The following ARHGAP26 variants were observed in gnomAD, a reference collection of about 807,000 sequenced individuals.
The protein encoded by ARHGAP26 is Rho GTPase activating protein 26, also known as rho GTPase-activating protein 26.
A neutral mutation model predicts 104.8 loss-of-function variants in ARHGAP26; 38 were observed. The observed-to-expected ratio is 0.36, with a 90% CI of 0.28 to 0.48. The LOEUF (loss-of-function observed/expected upper bound fraction) is 0.48. Ranked by LOEUF, ARHGAP26 falls within the 20% of genes least tolerant of loss-of-function variation. ARHGAP26 has a pLI of 0.99. For missense variants in ARHGAP26, 704 were observed against 947.9 expected (o/e 0.74, Z 3.38); for synonymous variants, 341 against 340.0 (o/e 1.00, Z -0.03).
At chr5:142,909,848 C>G (rs1378768130) in intron 9 of ARHGAP26, among the ~76,000 whole-genome samples, 1 of 152,102 alleles carries the variant, frequency 6.6e-6, no homozygotes, top group Non-Finnish European at 1.5e-5. Context: ...GTTTTTGGGC[C>G]TTTTATCTTG....
chr5:142,923,457 TTTG>T (rs1763471071), intron 10 of ARHGAP26, among the ~76,000 whole-genome samples: 1 of 152,200 alleles, frequency 6.6e-6, no homozygotes, highest in Non-Finnish European at 1.5e-5. Context: ...ATTTTCATAG[TTTG>T]TTATCAATAG....
At chr5:142,948,167 T>C (rs1288435970) in intron 11 of ARHGAP26, among the ~76,000 whole-genome samples, 1 of 152,162 alleles carries the variant, frequency 6.6e-6, no homozygotes, top group Non-Finnish European at 1.5e-5. Context: ...CTTTTCCTTT[T>C]CTTAGTAATT....
intron 19 of ARHGAP26, 24 bp downstream of exon 19, chr5:143,134,129 A>G: frequency 1.3e-6 from 2 of 1,593,220 alleles, no homozygotes; most frequent in Non-Finnish European, 1.7e-6. Context: ...GCATAGGGCC[A>G]GCGTGGCATT....
intron 1 of ARHGAP26, among the ~76,000 whole-genome samples, chr5:142,834,828 A>C (rs756929070): frequency 5.3e-5 from 8 of 152,248 alleles, no homozygotes; most frequent in Non-Finnish European, 1.2e-4. Context: ...ACTGCCTCCA[A>C]CTCTGAATGG....
At chr5:142,773,337 A>G (rs1220886188) in intron 1 of ARHGAP26, among the ~76,000 whole-genome samples, 1 of 152,158 alleles carries the variant, frequency 6.6e-6, no homozygotes, top group African/African-American at 2.4e-5. Flanking sequence ...GCTTTATTTT[A>G]TAGCCATATT....
chr5:142,879,865 G>T (rs938423559), intron 4 of ARHGAP26, among the ~76,000 whole-genome samples: 2 of 152,190 alleles, frequency 1.3e-5, no homozygotes, highest in African/African-American at 4.8e-5. Flanking sequence ...TTTGTGCCCT[G>T]TGGGTACAGG....
chr5:143,111,007 C>T (rs1247405973), intron 17 of ARHGAP26, among the ~76,000 whole-genome samples: 2 of 152,172 alleles, frequency 1.3e-5, no homozygotes, highest in Admixed American at 1.3e-4. Flanking sequence ...GCAGGTTGGC[C>T]TATTTAATCT....
intron 19 of ARHGAP26, among the ~76,000 whole-genome samples, chr5:143,141,086 A>G (rs987125755): frequency 6.6e-5 from 10 of 152,226 alleles, no homozygotes; most frequent in African/African-American, 1.9e-4. Context: ...ATGTTTATTC[A>G]CATGGATTCC....
rs778977295 is a variant in ARHGAP26, at chr5:142,875,181, G to A, written c.312+10G>A. The A allele has an allele frequency of 1.7e-5, 28 of 1,613,432 alleles. No individual in the cohort carries two copies. The highest frequency in any genetic ancestry group is 4.0e-5 in the African/African-American group (3 of 74,896). ...TGAACGGATACGGATGGTGAGTAGG[G>A]CTGGGCTACTCTTGGTCCCAGATAG... On this transcript the variant is annotated intron_variant, in intron 3 of 22. Transcript: ENST00000645722.
At chr5:143,151,746 A>C (rs1799869430) in intron 20 of ARHGAP26, among the ~76,000 whole-genome samples, 1 of 152,166 alleles carries the variant, frequency 6.6e-6, no homozygotes, top group Non-Finnish European at 1.5e-5. Flanking sequence ...GCTTGAGGTC[A>C]GGAGTTTGAG....
Position 143,041,827 on chromosome 5 carries a change from C to G in ARHGAP26, c.1222C>G (p.Gln408Glu). 1 of 1,606,486 alleles carries G rather than the reference C, an allele frequency of 6.2e-7. No individual in the cohort carries two copies. Among genetic ancestry groups the G allele is most frequent in the Non-Finnish European group, 8.5e-7 (1 of 1,176,306 alleles). ...HAVETRGINEQGLYRIVGVNS... is the reference protein window; with the variant it reads ...HAVETRGINEEGLYRIVGVNS... ...GTTTCTTTCCTCAGGGATCAACGAG[C>G]AAGGGCTGTATCGAATTGTGGGTGT... Residue 408 changes from glutamine (Q) to glutamate (E), a missense_variant, in exon 14 of 23, where the codon CAA (glutamine) becomes GAA (glutamate). Around this residue, in one of 6 missense-constraint regions of ARHGAP26, gnomAD observed 287 missense variants for 438.8 expected, o/e 0.65. Coordinates refer to ENST00000645722, the MANE Select transcript of ARHGAP26 (RefSeq NM_001135608.3).
chr5:143,048,931 A>C (rs563240603), intron 14 of ARHGAP26, among the ~76,000 whole-genome samples: 3 of 151,612 alleles, frequency 2.0e-5, no homozygotes, highest in East Asian at 3.9e-4. Context: ...AAAAAAAAAA[A>C]AAAAACCTTA....
chr5:143,070,752 A>G (rs977682021), intron 17 of ARHGAP26, among the ~76,000 whole-genome samples: 1 of 152,172 alleles, frequency 6.6e-6, no homozygotes, highest in Non-Finnish European at 1.5e-5. Flanking sequence ...TCTACTAAAA[A>G]TACAAAAATT....
chr5:143,197,273 C>T (rs115377971), intron 20 of ARHGAP26, among the ~76,000 whole-genome samples: 2,063 of 152,248 alleles, frequency 0.014, 51 homozygotes, highest in African/African-American at 0.045. Flanking sequence ...GTATCTTCAC[C>T]TTTGCTAGAT....
chr5:142,960,521 C>T (rs866443989), intron 11 of ARHGAP26, among the ~76,000 whole-genome samples: 10 of 152,322 alleles, frequency 6.6e-5, no homozygotes, highest in African/African-American at 2.2e-4. Flanking sequence ...CACCTAGTAG[C>T]CATCTAGGTT....
Position 142,957,614 on chromosome 5 carries a change from G to A in ARHGAP26, c.1107+25489G>A, listed in dbSNP as rs1004842514. 2.6e-4 allele frequency among the ~76,000 whole-genome samples: 40 copies of A among 152,276 alleles called. 1 individual carries two copies. Among genetic ancestry groups the A allele is most frequent in the African/African-American group, 8.9e-4 (37 of 41,552 alleles). On this transcript the variant is annotated intron_variant, in intron 11 of 22. Coordinates refer to ENST00000645722, the MANE Select transcript of ARHGAP26 (RefSeq NM_001135608.3). ...CTCCTCCCTATGGAGAGTCTCTTAC[G>A]TAGTTTGATCTAGATTTCCATGCTG... is the stretch of plus-strand genomic sequence containing the variant.
rs541813808 is a variant in ARHGAP26, at chr5:142,843,173, CT to C, written c.155-30223del. ...TAATCACACTGGAGGTTTCCAAGAC[CT>C]TTTGGCACCTCAGATGATGTTGGAT... On this transcript the variant is annotated intron_variant, in intron 1 of 22. Transcript: ENST00000645722. Among the ~76,000 whole-genome samples, 49 of 152,274 alleles carry C rather than the reference CT, an allele frequency of 3.2e-4. 1 individual carries two copies. Among genetic ancestry groups the C allele is most frequent in the Non-Finnish European group, 6.3e-4 (43 of 68,016 alleles).
intron 12 of ARHGAP26, among the ~76,000 whole-genome samples, chr5:143,035,259 A>G (rs1782439852): frequency 6.6e-6 from 1 of 152,204 alleles, no homozygotes; most frequent in African/African-American, 2.4e-5. Context: ...CTTCAGCACA[A>G]TTCACAATTG....
At chr5:142,875,261 C>A in intron 3 of ARHGAP26, 90 bp downstream of exon 3, 1 of 1,257,592 alleles carries the variant, frequency 8.0e-7, no homozygotes, top group East Asian at 2.3e-5. Flanking sequence ...GATTCAAATC[C>A]AGACTCTGCC....
Sources: allele counts gnomAD v4.1 joint callset (sites outside exome capture counted in the v4.1 genomes callset), GRCh38; gene constraint gnomAD v4.1.1; regional missense constraint gnomAD v4.1.1; transcripts MANE v1.5; gene names NCBI Gene and HGNC (gene_info 2026-07-23, HGNC 2026-07-21).